CSMD1: variants seen among roughly 807,000 people sequenced by gnomAD.
CSMD1 encodes the protein CUB and sushi domain-containing protein 1.
Under a neutral mutation model 417.5 loss-of-function variants are expected in CSMD1, and 213 were observed. That is an observed-to-expected ratio of 0.51 (90% CI 0.46 to 0.57). CSMD1 has a LOEUF of 0.57. CSMD1 is among the 20% of genes least tolerant of loss of function. The pLI is 0.00. For synonymous variants in CSMD1, 2,862 were observed against 1,736.8 expected (o/e 1.65, Z -16.11); for missense variants, 6,923 against 4,529.7 (o/e 1.53, Z -15.17).
intron 5 of CSMD1, among the ~76,000 whole-genome samples, chr8:3,995,677 GAGACAATAGT>G (rs1256170533): frequency 6.6e-6 from 1 of 152,344 alleles, no homozygotes; most frequent in Non-Finnish European, 1.5e-5. Flanking sequence ...CAATAATAAA[GAGACAATAGT>G]AGACAATAGT....
Position 3,733,205 on chromosome 8 carries a change from A to ACACACACT in CSMD1, c.931+20724_931+20725insAGTGTGTG, listed in dbSNP as rs1554525004. Among the ~76,000 whole-genome samples, 7 of 87,094 alleles carry ACACACACT rather than the reference A, an allele frequency of 8.0e-5. No individual in the cohort carries two copies. The East Asian group carries it at 8.8e-4, about 11-fold the overall frequency. The allele number at this position is 87,094 out of a possible 152,430, so 57.1% of individuals were successfully genotyped here. On this transcript the variant is annotated intron_variant, in intron 6 of 69. Coordinates refer to ENST00000635120, the MANE Select transcript of CSMD1 (RefSeq NM_033225.6). ...CACACACACACACACACACACACAC[A>ACACACACT]CTCTCTCTCTCTCATACATACACAT...
At chr8:4,492,323 C>G (rs568562629) in intron 2 of CSMD1, among the ~76,000 whole-genome samples, 2 of 152,108 alleles carry the variant, frequency 1.3e-5, no homozygotes, top group East Asian at 3.9e-4. Flanking sequence ...CTCCTCGCCT[C>G]AGGTGATCCA....
At chr8:4,837,705 C>T (rs1041570826) in intron 1 of CSMD1, among the ~76,000 whole-genome samples, 7 of 152,118 alleles carry the variant, frequency 4.6e-5, no homozygotes, top group African/African-American at 1.4e-4. Context: ...TATCACAATA[C>T]GGTGACTATA....
At chr8:3,229,575 A>G (rs943063621) in intron 27 of CSMD1, among the ~76,000 whole-genome samples, 3 of 152,188 alleles carry the variant, frequency 2.0e-5, no homozygotes, top group African/African-American at 7.2e-5. Flanking sequence ...ATTTTAACAC[A>G]AACAGTATAA....
chr8:3,194,264 G>A (rs1374058260), intron 33 of CSMD1, among the ~76,000 whole-genome samples: 1 of 151,922 alleles, frequency 6.6e-6, no homozygotes, highest in Non-Finnish European at 1.5e-5. Flanking sequence ...GAAACCAAGG[G>A]AAAATCAATC....
chr8:4,615,885 G>C (rs752669050), intron 2 of CSMD1, among the ~76,000 whole-genome samples: 4 of 151,952 alleles, frequency 2.6e-5, no homozygotes, highest in African/African-American at 9.7e-5. Context: ...CACTGTTTTG[G>C]ATGAATTCAT....
intron 5 of CSMD1, among the ~76,000 whole-genome samples, chr8:3,968,079 C>G (rs1488583791): frequency 6.6e-6 from 1 of 150,904 alleles, no homozygotes; most frequent in Admixed American, 6.6e-5. Context: ...CCCAGCTCCT[C>G]GGCAGGCTGA....
intron 3 of CSMD1, among the ~76,000 whole-genome samples, chr8:4,053,136 G>C (rs967074830): frequency 6.6e-6 from 1 of 152,234 alleles, no homozygotes; most frequent in Admixed American, 6.5e-5. Flanking sequence ...CTTCTCCATG[G>C]GTGCAGTGTA....
At position 3,387,545 on chromosome 8, in the gene CSMD1, G is replaced by T; in HGVS notation, c.2731C>A (p.Leu911Ile). 1 of 1,601,914 alleles carries T rather than the reference G, an allele frequency of 6.2e-7. No individual in the cohort carries two copies. ...CACTGGTGGTTCCTCTCACAGACGA[G>T]GGGCTCGTCGTCACTTAGTGTGTAC... Reference protein sequence around the residue: ...PGYTLSDDEPLVCERNHQWNH... With the variant: ...PGYTLSDDEPIVCERNHQWNH... Residue 911 changes from leucine (L) to isoleucine (I), a missense_variant, in exon 18 of 70, where the codon CTC becomes ATC. Transcript: ENST00000635120.
At chr8:4,981,871 G>A (rs529917952) in intron 1 of CSMD1, among the ~76,000 whole-genome samples, 1 of 152,122 alleles carries the variant, frequency 6.6e-6, no homozygotes, top group East Asian at 1.9e-4. Flanking sequence ...ACTCAACTGT[G>A]GAGTCTCCCT....
intron 1 of CSMD1, among the ~76,000 whole-genome samples, chr8:4,716,752 G>A (rs1278437554): frequency 1.3e-5 from 2 of 152,066 alleles, no homozygotes; most frequent in Non-Finnish European, 1.5e-5. Context: ...AAAAACTGAG[G>A]TCTAAATAAA....
intron 40 of CSMD1, among the ~76,000 whole-genome samples, chr8:3,147,028 A>T (rs779492959): frequency 3.3e-5 from 5 of 151,990 alleles, no homozygotes; most frequent in Admixed American, 6.6e-5. Context: ...ATAACGTCTT[A>T]TATTCCGGAT....
intron 37 of CSMD1, among the ~76,000 whole-genome samples, chr8:3,170,739 C>T: frequency 6.6e-6 from 1 of 152,210 alleles, no homozygotes; most frequent in East Asian, 1.9e-4. Context: ...ATTGTTCACA[C>T]TTTAAAATAG....
At chr8:4,306,484 G>T (rs1798254789) in intron 3 of CSMD1, among the ~76,000 whole-genome samples, 1 of 152,154 alleles carries the variant, frequency 6.6e-6, no homozygotes, top group Non-Finnish European at 1.5e-5. Flanking sequence ...CCTCAGCAGG[G>T]TGTAAGATCT....
intron 3 of CSMD1, among the ~76,000 whole-genome samples, chr8:4,242,501 A>G (rs1427403841): frequency 2.6e-5 from 4 of 152,352 alleles, no homozygotes; most frequent in Middle Eastern, 6.8e-3. Flanking sequence ...AGCAATTTTC[A>G]TATTTATTAA....
At chr8:4,817,082 A>G (rs1042082003) in intron 1 of CSMD1, among the ~76,000 whole-genome samples, 5 of 152,240 alleles carry the variant, frequency 3.3e-5, no homozygotes, top group Admixed American at 2.6e-4. Flanking sequence ...ATGTATATAC[A>G]ACTTTATTAT....
chr8:4,246,435 C>G (rs574156907), intron 3 of CSMD1, among the ~76,000 whole-genome samples: 2 of 152,230 alleles, frequency 1.3e-5, no homozygotes, highest in Admixed American at 6.5e-5. Context: ...AAAGGGCACT[C>G]CATTTTCTTC....
rs1206399725 is a variant in CSMD1, at chr8:3,096,864, G to C, written c.7123C>G (p.Leu2375Val). 6.4e-7 allele frequency: 1 copy of C among 1,553,394 alleles called. No homozygotes were observed. The highest frequency in any genetic ancestry group is 8.7e-7 in the Non-Finnish European group (1 of 1,147,362). The change falls in exon 47 of 70, where the codon CTG becomes GTG. Residue 2375 changes from leucine to valine, a missense_variant. Coordinates refer to ENST00000635120, the MANE Select transcript of CSMD1 (RefSeq NM_033225.6). ...AGAAACTTACCATCAAACACTTCCA[G>C]TGCATCAAACTGCTTTTCACTTTGA... ...TFQSEKQFDA[L>V]EVFDGSSGQS...
chr8:3,048,875 T>TA (rs71199529), intron 50 of CSMD1, among the ~76,000 whole-genome samples: 72 of 143,980 alleles, frequency 5.0e-4, no homozygotes, highest in South Asian at 4.2e-3. Context: ...AAAGAACTCT[T>TA]AAAAAAAAAA....
Sources: gnomAD v4.1 joint callset for allele counts (sites outside exome capture counted in the v4.1 genomes callset) on GRCh38, gnomAD v4.1.1 for gene constraint, MANE v1.5 for transcripts, NCBI Gene and HGNC (gene_info 2026-07-23, HGNC 2026-07-21) for gene names.